PIKFYVE: variants seen among roughly 807,000 people sequenced by gnomAD.
PIKFYVE encodes 1-phosphatidylinositol 3-phosphate 5-kinase.
PIKFYVE carries 122 observed loss-of-function variants against 257.9 expected under a neutral mutation model. The observed-to-expected ratio is 0.47, with a 90% CI of 0.41 to 0.55. The LOEUF (loss-of-function observed/expected upper bound fraction) is 0.55. Ranked by LOEUF, PIKFYVE falls within the 20% of genes least tolerant of loss-of-function variation. The pLI, the probability that PIKFYVE is intolerant of heterozygous loss-of-function variation, is 0.00. For synonymous variants in PIKFYVE, 892 were observed against 868.9 expected (o/e 1.03, Z -0.47); for missense variants, 2,160 against 2,536.6 (o/e 0.85, Z 3.19).
chr2:208,352,639 C>A lies in PIKFYVE; in HGVS notation c.5716-15C>A, dbSNP rs182949830. 6.2e-7 allele frequency: 1 copy of A among 1,612,038 alleles called. No individual in the cohort carries two copies. Among genetic ancestry groups the A allele is most frequent in the African/African-American group, 1.3e-5 (1 of 74,924 alleles). ...CCTTTTTGATAAGAATTTATTTTGA[C>A]CTTCTCTTGATTAGAGGCCCACGGC... On this transcript the variant is annotated splice_polypyrimidine_tract_variant and intron_variant, in intron 38 of 41. Transcript: ENST00000264380.
chr2:208,338,140 A>G (rs1316608324), intron 28 of PIKFYVE, among the ~76,000 whole-genome samples: 2 of 152,022 alleles, frequency 1.3e-5, no homozygotes, highest in Non-Finnish European at 2.9e-5. Flanking sequence ...GAATCTAGCT[A>G]TTTTCTATTT....
chr2:208,353,189 TGATAA>T lies in PIKFYVE; in HGVS notation c.5844+414_5844+418del, dbSNP rs10603363. On this transcript the variant is annotated intron_variant, in intron 39 of 41. Coordinates refer to ENST00000264380, the MANE Select transcript of PIKFYVE (RefSeq NM_015040.4). ...TAGTCCTTGAACTGTTTCCAGTCTA[TGATAA>T]GATAAGGAACGTGTGCTAGAATGTA... is the stretch of plus-strand genomic sequence containing the variant. 8.7e-3 allele frequency among the ~76,000 whole-genome samples: 1,319 copies of T among 152,300 alleles called. 10 individuals carry two copies. Among genetic ancestry groups the T allele is most frequent in the African/African-American group, 0.029 (1,225 of 41,554 alleles).
Position 208,349,020 on chromosome 2 carries a change from G to A in PIKFYVE, c.5374+997G>A, listed in dbSNP as rs146743537. Among the ~76,000 whole-genome samples, 51 of 152,020 alleles carry A rather than the reference G, an allele frequency of 3.4e-4. No individual in the cohort carries two copies. In the East Asian group the frequency reaches 9.5e-3, roughly 28 times the overall value. On this transcript the variant is annotated intron_variant, in intron 35 of 41. Transcript: ENST00000264380. ...TCTACTGAAAATAAAAAAATTAGCC[G>A]GGCCTGGTGGCGCATGCCTGTAATC...
chr2:208,345,984 GTACT>G (rs1477709533), intron 33 of PIKFYVE, 62 bp from the exon 34 acceptor site: 9 of 1,116,220 alleles, frequency 8.1e-6, no homozygotes, highest in Non-Finnish European at 1.2e-5. Context: ...TTAGTGTAGA[GTACT>G]TACTATTTTC....
chr2:208,346,851 G>A (rs965396467), intron 34 of PIKFYVE, among the ~76,000 whole-genome samples: 1 of 152,174 alleles, frequency 6.6e-6, no homozygotes, highest in African/African-American at 2.4e-5. Flanking sequence ...TTTTCCTCAT[G>A]GTTAAAAGTG....
At chr2:208,292,656 A>G (rs1000590846) in intron 7 of PIKFYVE, among the ~76,000 whole-genome samples, 2 of 151,686 alleles carry the variant, frequency 1.3e-5, no homozygotes, top group Non-Finnish European at 2.9e-5. Flanking sequence ...TTCTCCATCT[A>G]TTTCCTTTTG....
chr2:208,311,455 G>C (rs903860242), intron 12 of PIKFYVE, among the ~76,000 whole-genome samples: 3 of 152,114 alleles, frequency 2.0e-5, no homozygotes, highest in Non-Finnish European at 4.4e-5. Flanking sequence ...ATTTTGTGGA[G>C]ATCCTTTACC....
Position 208,273,654 on chromosome 2 carries a change from G to A in PIKFYVE, c.243G>A (p.Ser81=), listed in dbSNP as rs763317417. The A allele has an allele frequency of 3.7e-6, 6 of 1,613,998 alleles. No individual in the cohort carries two copies. Among genetic ancestry groups the A allele is most frequent in the South Asian group, 2.2e-5 (2 of 91,080 alleles). Residue 81 remains serine, a synonymous_variant, in exon 3 of 42, where the codon TCG becomes TCA. Transcript: ENST00000264380. ...SGSWTSPQLP[S]RTQSVRSPTP... ...GTTGGACCAGCCCTCAGCTCCCTTC[G>A]AGGACACAGTCTGTTAGGTCACCCA...
At chr2:208,312,773 G>GAATAGGAAAGT (rs111622890) in intron 13 of PIKFYVE, among the ~76,000 whole-genome samples, 1 of 152,058 alleles carries the variant, frequency 6.6e-6, no homozygotes, top group Non-Finnish European at 1.5e-5. Context: ...CACAAAAGGA[G>GAATAGGAAAGT]ATTAGCCTTC....
At chr2:208,276,109 G>C (rs1690069266) in intron 3 of PIKFYVE, among the ~76,000 whole-genome samples, 1 of 152,188 alleles carries the variant, frequency 6.6e-6, no homozygotes, top group African/African-American at 2.4e-5. Context: ...TTTTCTGGCA[G>C]TTTTAATTTG....
At chr2:208,308,660 G>A (rs1390889016) in intron 12 of PIKFYVE, among the ~76,000 whole-genome samples, 1 of 150,414 alleles carries the variant, frequency 6.6e-6, no homozygotes, top group Non-Finnish European at 1.5e-5. Flanking sequence ...AACACAAAGA[G>A]TGTAGTGTAT....
Position 208,356,251 on chromosome 2 carries a change from T to G in PIKFYVE, c.*946T>G, listed in dbSNP as rs532906465. ...TTTATTCACAGAGGTAAAGTGTCTT[T>G]TCAATATAACCAGCAATTTAGGTGG... On this transcript the variant is annotated 3_prime_UTR_variant, in exon 42 of 42. Transcript: ENST00000264380. 6.6e-6 allele frequency: 1 copy of G among 152,320 alleles called. No individual in the cohort carries two copies. The highest frequency in any genetic ancestry group is 2.4e-5 in the African/African-American group (1 of 41,580). 9.4% of individuals were successfully genotyped at this position (152,320 alleles called of 1,614,324 possible). A position where few individuals can be genotyped will look rare whatever the true frequency, so the allele number is the denominator to read the frequency against.
At chr2:208,276,682 CAAGGT>C (rs769787433) in intron 3 of PIKFYVE, 25 bp from the exon 4 acceptor site, 18 of 1,529,634 alleles carry the variant, frequency 1.2e-5, no homozygotes, top group Non-Finnish European at 1.6e-5. Flanking sequence ...GGACTGTTAA[CAAGGT>C]TGCTTTTTTT....
At chr2:208,351,270 CATTT>C in intron 37 of PIKFYVE, 78 bp from the exon 38 acceptor site, 1 of 1,149,918 alleles carries the variant, frequency 8.7e-7, no homozygotes, top group Non-Finnish European at 1.3e-6. Context: ...ACAACCTAAT[CATTT>C]AGGATCTTTG....
intron 31 of PIKFYVE, among the ~76,000 whole-genome samples, chr2:208,342,160 T>G (rs1698771485): frequency 6.6e-6 from 1 of 152,192 alleles, no homozygotes; most frequent in Admixed American, 6.5e-5. Flanking sequence ...CTGGGTTTTT[T>G]TGTGTGATAA....
chr2:208,287,270 C>G (rs375872587), intron 6 of PIKFYVE, among the ~76,000 whole-genome samples: 1 of 135,050 alleles, frequency 7.4e-6, no homozygotes, highest in Admixed American at 7.4e-5. Flanking sequence ...TTTTCTTTTT[C>G]TTTTTTTTTT....
At position 208,358,081 on chromosome 2, in the gene PIKFYVE, A is replaced by AT. The variant is rs1339811322; in HGVS notation, c.*2782dup. On this transcript the variant is annotated 3_prime_UTR_variant, in exon 42 of 42. Transcript: ENST00000264380. Reference sequence around the variant, plus strand: ...TATTCAAAATTTCCTACAAACTATAATTTTTTCCATGATTTAGCAGTGAGT... The same window carrying AT: ...TATTCAAAATTTCCTACAAACTATAATTTTTTTCCATGATTTAGCAGTGAGT... 1 of 152,128 alleles carries AT rather than the reference A, an allele frequency of 6.6e-6. No individual in the cohort carries two copies. Among genetic ancestry groups the AT allele is most frequent in the Non-Finnish European group, 1.5e-5 (1 of 68,028 alleles). The allele number at this position is 152,128 out of a possible 1,614,324, so 9.4% of individuals were successfully genotyped here.
intron 7 of PIKFYVE, among the ~76,000 whole-genome samples, chr2:208,294,306 T>C (rs1250106423): frequency 2.0e-5 from 3 of 152,226 alleles, no homozygotes; most frequent in East Asian, 1.9e-4. Flanking sequence ...TATTATCTGT[T>C]CTTGCCTGTT....
Position 208,335,355 on chromosome 2 carries a change from T to A in PIKFYVE, c.4192T>A (p.Phe1398Ile), listed in dbSNP as rs1356030073. Reference sequence around the variant, plus strand: ...AGTATGTGTTCCACTCCCCAAAATATTCATTAAGCGTCAGGCCCCATTAAA... The same window carrying A: ...AGTATGTGTTCCACTCCCCAAAATAATCATTAAGCGTCAGGCCCCATTAAA... ...LEVCVPLPKI[F>I]IKRQAPLKVS... The change falls in exon 25 of 42, where the codon TTC (phenylalanine) becomes ATC (isoleucine). Residue 1398 changes from phenylalanine (F) to isoleucine (I), a missense_variant. Physicochemically the swap from Phe to Ile is conservative, Grantham distance 21. This residue lies in a region of PIKFYVE where 699 missense variants were observed against 855.8 expected (regional missense o/e 0.82). Coordinates refer to ENST00000264380, the MANE Select transcript of PIKFYVE (RefSeq NM_015040.4). The A allele has an allele frequency of 3.7e-6, 6 of 1,612,968 alleles. No homozygotes were observed. The highest frequency in any genetic ancestry group is 5.1e-6 in the Non-Finnish European group (6 of 1,179,194).
Sources: gnomAD v4.1 joint callset for allele counts (sites outside exome capture counted in the v4.1 genomes callset) on GRCh38, gnomAD v4.1.1 for gene constraint, gnomAD v4.1.1 regional missense constraint, MANE v1.5 for transcripts, NCBI Gene and HGNC (gene_info 2026-07-23, HGNC 2026-07-21) for gene names.